Variants in TTLL3 observed in about 807,000 individuals in gnomAD.
The protein encoded by TTLL3 is tubulin monoglycylase TTLL3.
A neutral mutation model predicts 75.2 loss-of-function variants in TTLL3; 63 were observed. The ratio of observed to expected loss-of-function variants is 0.84; its 90% CI spans 0.68 to 1.03. TTLL3 has a LOEUF of 1.03. Among genes scored for constraint, TTLL3 ranks in the 50% least tolerant of loss-of-function variants. The pLI is 0.00. For synonymous variants in TTLL3, 393 were observed against 418.5 expected (o/e 0.94, Z 0.74); for missense variants, 997 against 1,069.9 (o/e 0.93, Z 0.95).
rs1181798690 is a variant in TTLL3, at chr3:9,827,490, C to G, written c.1247+250C>G. Reference sequence around the variant, plus strand: ...TGGTCACGGCTCACTGTAGCCTTGACTTCCTGTGCTCAAGCAATCCTTCCT... The same window carrying G: ...TGGTCACGGCTCACTGTAGCCTTGAGTTCCTGTGCTCAAGCAATCCTTCCT... On this transcript the variant is annotated intron_variant, in intron 10 of 13. Coordinates refer to ENST00000685419, the MANE Select transcript of TTLL3 (RefSeq NM_001387446.1). 3 of 531,092 alleles carry G rather than the reference C, an allele frequency of 5.6e-6. No homozygotes were observed. The East Asian group carries it at 1.2e-4, about 21-fold the overall frequency. 32.9% of individuals were successfully genotyped at this position (531,092 alleles called of 1,614,324 possible).
At chr3:9,826,903 A>G (rs1480254294) in intron 9 of TTLL3, 94 bp from the exon 10 acceptor site, 8 of 1,575,904 alleles carry the variant, frequency 5.1e-6, no homozygotes, top group Non-Finnish European at 6.9e-6. Context: ...ACTCAGCCCT[A>G]TCAGCTCCGA....
At chr3:9,809,915 G>C (rs898250086), upstream of TTLL3, 1 of 514,176 alleles carries the variant, frequency 1.9e-6, no homozygotes, top group Non-Finnish European at 2.4e-6. Flanking sequence ...GACAAGGCTC[G>C]AGCCTAGGCA....
Position 9,833,205 on chromosome 3 carries a change from C to G in TTLL3, c.1785C>G (p.Arg595=). Residue 595 remains arginine, a synonymous_variant, in exon 12 of 14, where the codon CGC becomes CGG. Transcript: ENST00000685419. The part of the protein sequence containing the change: ...MAMCHRRMGV[R]PAVPLLTQRG... ...TGTGTCATCGGCGGATGGGGGTCCG[C>G]CCAGCAGTCCCTCTGCTGACCCAGC... 1 of 1,614,110 alleles carries G rather than the reference C, an allele frequency of 6.2e-7. No individual in the cohort carries two copies. The highest frequency in any genetic ancestry group is 8.5e-7 in the Non-Finnish European group (1 of 1,179,990).
chr3:9,825,904 G>A lies in TTLL3; in HGVS notation c.959G>A (p.Arg320His), dbSNP rs879158495. The A allele has an allele frequency of 1.9e-6, 3 of 1,614,148 alleles. No individual in the cohort carries two copies. The highest frequency in any genetic ancestry group is 2.5e-6 in the Non-Finnish European group (3 of 1,180,006). The change falls in exon 9 of 14, where the codon CGC (arginine) becomes CAC (histidine). Residue 320 changes from arginine (R) to histidine (H), a missense_variant. By Grantham distance (29) the Arg-to-His change is conservative. Coordinates refer to ENST00000685419, the MANE Select transcript of TTLL3 (RefSeq NM_001387446.1). ...VVPQIDMEGD[R>H]NIWIVKPGAK... ...CCCCAGATAGACATGGAAGGGGATC[G>A]CAACATCTGGATCGTGAAGCCAGGA...
At chr3:9,816,541 G>T (rs1414329698) in intron 5 of TTLL3, among the ~76,000 whole-genome samples, 1 of 5,620 alleles carries the variant, frequency 1.8e-4, no homozygotes, top group Non-Finnish European at 9.1e-4. Flanking sequence ...TTTTGAGACA[G>T]AGTCTTGCTC....
Position 9,818,890 on chromosome 3 carries a change from C to T in TTLL3, c.628C>T (p.Pro210Ser), listed in dbSNP as rs764155811. 5.0e-6 allele frequency: 8 copies of T among 1,614,080 alleles called. No individual in the cohort carries two copies. In the South Asian group the frequency reaches 8.8e-5, roughly 18 times the overall value. Residue 210 changes from proline to serine, a missense_variant, in exon 7 of 14, where the codon CCT (proline) becomes TCT (serine). Transcript: ENST00000685419. ...GGTGAAGTCTGAGTGGAAGTCATAC[C>T]CTATTCAGGCAGTAGAGGAAGAGGC... ...LVVKSEWKSY[P>S]IQAVEEEASG... is the part of the protein sequence containing the mutation.
chr3:9,810,084 C>T (rs1370687783), upstream of TTLL3: 3 of 1,405,156 alleles, frequency 2.1e-6, no homozygotes, highest in Non-Finnish European at 2.8e-6. This position sits in a 1 kb window ranked among gnomAD's most constrained non-coding sequence, Gnocchi z 4.4. Context: ...CCTCCTGGTA[C>T]CGCCAGGAGG....
chr3:9,817,127 A>C (rs1305094873), intron 5 of TTLL3, among the ~76,000 whole-genome samples: 3 of 152,134 alleles, frequency 2.0e-5, no homozygotes, highest in African/African-American at 7.2e-5. Flanking sequence ...CAGCTCTTTA[A>C]GAATGAGAAA....
At chr3:9,820,338 G>GAA (rs2080294670) in intron 7 of TTLL3, 2 of 1,425,536 alleles carry the variant, frequency 1.4e-6, no homozygotes, top group African/African-American at 1.4e-5. Context: ...CAGGTCCTGG[G>GAA]ACAGTGGGAG....
rs1261818548 is a variant in TTLL3, at chr3:9,820,267, G to C, written c.659-279G>C. ...CTCAGGTGTGTTAGAGGTCCCAGGG[G>C]CAGAGAGGCTATAGGTGCTGTCAGA... On this transcript the variant is annotated intron_variant, in intron 7 of 13. Coordinates refer to ENST00000685419, the MANE Select transcript of TTLL3 (RefSeq NM_001387446.1). The C allele has an allele frequency of 9.8e-6, 12 of 1,222,054 alleles. No individual in the cohort carries two copies. The South Asian group carries it at 3.1e-4, about 31-fold the overall frequency. 75.7% of individuals were successfully genotyped at this position (1,222,054 alleles called of 1,614,324 possible).
In TTLL3 at chr3:9,827,068, G is replaced by T. The variant is rs760751722; in HGVS notation, c.1075G>T (p.Gly359Cys). ...CGGCAACCCCGTGGTGATGAAGGAC[G>T]GCAAGTGGGTGGTGCAGAAGTATAT... ...VNGNPVVMKD[G>C]KWVVQKYIER... Residue 359 changes from glycine (G) to cysteine (C), a missense_variant, in exon 10 of 14, where the codon GGC becomes TGC. Physicochemically the swap from Gly to Cys is radical, Grantham distance 159. Coordinates refer to ENST00000685419, the MANE Select transcript of TTLL3 (RefSeq NM_001387446.1). 6.2e-7 allele frequency: 1 copy of T among 1,614,192 alleles called. No homozygotes were observed. The highest frequency in any genetic ancestry group is 8.5e-7 in the Non-Finnish European group (1 of 1,180,036).
chr3:9,818,121 CTAG>C (rs1234802342), intron 6 of TTLL3: 1 of 196,022 alleles, frequency 5.1e-6, no homozygotes, highest in Non-Finnish European at 1.1e-5. Context: ...CTAAGGCAGA[CTAG>C]GTTCCGATTC....
At chr3:9,824,732 CTTTTCTTTTTT>C (rs2080855125) in intron 8 of TTLL3, among the ~76,000 whole-genome samples, 1 of 128,178 alleles carries the variant, frequency 7.8e-6, no homozygotes, top group South Asian at 2.5e-4. Context: ...CTTTTCTTTT[CTTTTCTTTTTT>C]TTTTTTTTTT....
upstream of TTLL3, chr3:9,810,158 C>T: frequency 2.0e-6 from 3 of 1,472,756 alleles, no homozygotes; most frequent in East Asian, 2.9e-5. The surrounding 1 kb of genome is among the most constrained non-coding windows in gnomAD (Gnocchi z 4.4). Context: ...AGTTTCCCCT[C>T]GGCGCGCCGC....
chr3:9,827,298 A>C (rs1167700486), intron 10 of TTLL3, 58 bp downstream of exon 10: 12 of 1,595,378 alleles, frequency 7.5e-6, no homozygotes, highest in Non-Finnish European at 9.4e-6. Context: ...GCTGGCAAGC[A>C]AACAGGCGAT....
Position 9,825,918 on chromosome 3 carries a change from G to C in TTLL3, c.973G>C (p.Val325Leu). Reference protein sequence around the residue: ...DMEGDRNIWIVKPGAKSRGRG... With the variant: ...DMEGDRNIWILKPGAKSRGRG... The stretch of plus-strand genomic sequence containing the variant: ...GGAAGGGGATCGCAACATCTGGATC[G>C]TGAAGCCAGGAGCCAAGTCCCGCGG... The change falls in exon 9 of 14, where the codon GTG becomes CTG. Residue 325 changes from valine to leucine, a missense_variant. Coordinates refer to ENST00000685419, the MANE Select transcript of TTLL3 (RefSeq NM_001387446.1). 6.2e-7 allele frequency: 1 copy of C among 1,614,006 alleles called. No homozygotes were observed. Among genetic ancestry groups the C allele is most frequent in the Middle Eastern group, 1.7e-4 (1 of 6,060 alleles).
At chr3:9,825,624 C>T (rs767384884) in intron 8 of TTLL3, 176 bp from the exon 9 acceptor site, 7 of 1,138,752 alleles carry the variant, frequency 6.1e-6, no homozygotes, top group Middle Eastern at 2.6e-4. Context: ...TTAGGATTTC[C>T]GGGGTGGCTT....
chr3:9,819,662 G>A (rs1289444380), intron 7 of TTLL3: 1 of 985,466 alleles, frequency 1.0e-6, no homozygotes, highest in African/African-American at 1.7e-5. Context: ...TTTCCCTTCT[G>A]GATTTAGCTC....
At chr3:9,820,823 C>G (rs1378431238) in intron 8 of TTLL3, 82 bp downstream of exon 8, 5 of 1,538,034 alleles carry the variant, frequency 3.3e-6, no homozygotes, top group Non-Finnish European at 4.4e-6. Context: ...GCCCCTACCC[C>G]TTCCCCAAGC....
Sources: allele counts gnomAD v4.1 joint callset (sites outside exome capture counted in the v4.1 genomes callset), GRCh38; gene constraint gnomAD v4.1.1; non-coding constraint Gnocchi (gnomAD v3.1); transcripts MANE v1.5; gene names NCBI Gene and HGNC (gene_info 2026-07-23, HGNC 2026-07-21).